The following CCDC192 variants were observed in gnomAD, a reference collection of about 807,000 sequenced individuals.
The protein encoded by CCDC192 is coiled-coil domain-containing protein 192.
intron 3 of CCDC192, among the ~76,000 whole-genome samples, chr5:127,763,938 T>G (rs1755070951): frequency 2.0e-5 from 3 of 152,326 alleles, no homozygotes; most frequent in Admixed American, 6.5e-5. Flanking sequence ...GCACTTCTTC[T>G]TCCTTCAAGT....
chr5:127,832,138 T>C (rs1199500203), intron 5 of CCDC192, among the ~76,000 whole-genome samples: 1 of 152,078 alleles, frequency 6.6e-6, no homozygotes, highest in Non-Finnish European at 1.5e-5. Context: ...AGCTAGTAAA[T>C]ACATGAAAAT....
intron 2 of CCDC192, among the ~76,000 whole-genome samples, chr5:127,753,404 G>A (rs1580599100): frequency 6.6e-6 from 1 of 152,132 alleles, no homozygotes; most frequent in African/African-American, 2.4e-5. Context: ...AGTAACTTTA[G>A]AAACATTTTG....
chr5:127,853,909 A>G (rs1037077799), intron 5 of CCDC192, among the ~76,000 whole-genome samples: 2 of 152,168 alleles, frequency 1.3e-5, no homozygotes, highest in African/African-American at 4.8e-5. Context: ...GTACTTCCAA[A>G]GATGTCTGCT....
intron 2 of CCDC192, among the ~76,000 whole-genome samples, chr5:127,713,729 C>T (rs1211363253): frequency 6.6e-6 from 1 of 152,150 alleles, no homozygotes. Context: ...GTAATTGACA[C>T]ATAATAATTG....
At chr5:127,784,846 T>G in intron 3 of CCDC192, 1 of 456,990 alleles carries the variant, frequency 2.2e-6, no homozygotes, top group Non-Finnish European at 4.3e-6. Context: ...TATTTTTGTT[T>G]GTGTTTTCTT....
chr5:127,933,460 G>GT (rs1754104646), intron 6 of CCDC192, among the ~76,000 whole-genome samples: 1 of 152,178 alleles, frequency 6.6e-6, no homozygotes, highest in Admixed American at 6.5e-5. Flanking sequence ...AGCATAAGAA[G>GT]TAAGATAGGA....
In CCDC192 at chr5:127,875,525, T is replaced by C. The variant is rs928517748; in HGVS notation, c.412-13T>C. Reference sequence around the variant, plus strand: ...CCCTAGTGATGGAAACTCTTATTTTTTTTTTTTTTAAGAAACTAAAGCATG... The same window carrying C: ...CCCTAGTGATGGAAACTCTTATTTTCTTTTTTTTTAAGAAACTAAAGCATG... On this transcript the variant is annotated splice_polypyrimidine_tract_variant and intron_variant, in intron 5 of 6. Coordinates refer to ENST00000514853, the MANE Select transcript of CCDC192 (RefSeq NM_001317938.2). The C allele has an allele frequency of 3.3e-5, 13 of 398,522 alleles. No homozygotes were observed. Among genetic ancestry groups the C allele is most frequent in the African/African-American group, 2.5e-4 (12 of 48,594 alleles). The allele number at this position is 398,522 out of a possible 1,614,324, so 24.7% of individuals were successfully genotyped here. A position where few individuals can be genotyped will look rare whatever the true frequency, so the allele number is the denominator to read the frequency against.
At chr5:127,843,438 ACT>A (rs1440824462) in intron 5 of CCDC192, among the ~76,000 whole-genome samples, 2 of 129,320 alleles carry the variant, frequency 1.5e-5, no homozygotes, top group African/African-American at 2.9e-5. Context: ...TCCAAGAATA[ACT>A]CTTTTTTTTT....
At chr5:127,771,159 C>G (rs995050239) in intron 3 of CCDC192, among the ~76,000 whole-genome samples, 13 of 152,280 alleles carry the variant, frequency 8.5e-5, no homozygotes, top group African/African-American at 2.9e-4. Flanking sequence ...AACTGGAAGT[C>G]TATAGGTGCC....
intron 2 of CCDC192, among the ~76,000 whole-genome samples, chr5:127,741,503 G>T (rs1383213061): frequency 6.6e-6 from 1 of 152,196 alleles, no homozygotes; most frequent in Non-Finnish European, 1.5e-5. Context: ...ATTATGTGCA[G>T]GTGTGCTTAC....
At chr5:127,823,138 T>A (rs1231899458) in intron 5 of CCDC192, among the ~76,000 whole-genome samples, 1 of 152,228 alleles carries the variant, frequency 6.6e-6, no homozygotes, top group Non-Finnish European at 1.5e-5. Flanking sequence ...TTTTATTGAT[T>A]TGTGCTTCTC....
chr5:127,749,426 C>T (rs1454513793), intron 2 of CCDC192, among the ~76,000 whole-genome samples: 30 of 151,838 alleles, frequency 2.0e-4, no homozygotes, highest in East Asian at 5.8e-4. Flanking sequence ...TATTGATTTG[C>T]GTATATTGAA....
intron 3 of CCDC192, among the ~76,000 whole-genome samples, chr5:127,764,556 A>G (rs1464874586): frequency 6.6e-6 from 1 of 152,140 alleles, no homozygotes; most frequent in Non-Finnish European, 1.5e-5. Context: ...TCTTCATCCA[A>G]GTTTTGGATG....
intron 2 of CCDC192, among the ~76,000 whole-genome samples, chr5:127,746,963 G>C (rs1309864676): frequency 6.6e-6 from 1 of 151,672 alleles, no homozygotes; most frequent in Non-Finnish European, 1.5e-5. Flanking sequence ...TGGCTCTATT[G>C]TATCATCAGG....
At chr5:127,788,110 G>C (rs200700669) in intron 3 of CCDC192, among the ~76,000 whole-genome samples, 1 of 151,310 alleles carries the variant, frequency 6.6e-6, no homozygotes, top group South Asian at 2.1e-4. Flanking sequence ...AAAAGGGGGG[G>C]ACTATTGAAG....
intron 6 of CCDC192, among the ~76,000 whole-genome samples, chr5:127,909,471 C>A (rs1053689730): frequency 2.6e-5 from 4 of 151,610 alleles, no homozygotes; most frequent in African/African-American, 9.7e-5. Flanking sequence ...AAATGGGTTG[C>A]ATTTAGGAAG....
intron 6 of CCDC192, among the ~76,000 whole-genome samples, chr5:127,899,265 A>G (rs957914623): frequency 2.6e-5 from 4 of 152,210 alleles, no homozygotes; most frequent in Non-Finnish European, 5.9e-5. Context: ...TTCTCTATAC[A>G]GACATTTGTC....
chr5:127,790,146 AG>A (rs1308731076), intron 3 of CCDC192, among the ~76,000 whole-genome samples: 2 of 152,198 alleles, frequency 1.3e-5, no homozygotes. Flanking sequence ...CAAACCAAAA[AG>A]GATTATTCTA....
intron 5 of CCDC192, among the ~76,000 whole-genome samples, chr5:127,852,349 A>C (rs1750836033): frequency 6.6e-6 from 1 of 152,218 alleles, no homozygotes; most frequent in Non-Finnish European, 1.5e-5. Flanking sequence ...ACAGGAGAAA[A>C]GGTGGGTGTA....
Sources: gnomAD v4.1 joint callset for allele counts (sites outside exome capture counted in the v4.1 genomes callset) on GRCh38, gnomAD v4.1.1 for gene constraint, MANE v1.5 for transcripts, NCBI Gene and HGNC (gene_info 2026-07-23, HGNC 2026-07-21) for gene names.